Variants in MYO18B observed in about 807,000 individuals in gnomAD.
The protein encoded by MYO18B is myosin XVIIIB.
MYO18B carries 204 observed loss-of-function variants against 273.0 expected under a neutral mutation model. The ratio of observed to expected loss-of-function variants is 0.75; its 90% confidence interval spans 0.67 to 0.84. MYO18B has a LOEUF of 0.84. Among genes scored for constraint, MYO18B ranks in the 40% least tolerant of loss-of-function variants. The pLI is 0.00. For synonymous variants in MYO18B, 1,330 were observed against 1,305.7 expected, an observed-to-expected ratio of 1.02 and a Z score of -0.40; for missense variants, 3,212 against 3,287.6, an observed-to-expected ratio of 0.98 and a Z score of 0.56.
chr22:26,043,520 T>C, the MYO18B span, among the ~76,000 whole-genome samples: 1,111 of 149,440 alleles, frequency 7.4e-3, 8 homozygotes, highest in African/African-American at 0.025. Context: ...TCTTTTTTTT[T>C]TTTTTTTTGA....
intron 11 of MYO18B, among the ~76,000 whole-genome samples, chr22:25,792,497 C>CTTTCTTTTTTTT (rs1472550571): frequency 9.3e-6 from 1 of 107,956 alleles, no homozygotes; most frequent in African/African-American, 3.7e-5. Context: ...TTTTTCTTTT[C>CTTTCTTTTTTTT]TTTTTTTTTT....
intron 25 of MYO18B, among the ~76,000 whole-genome samples, chr22:25,881,903 A>G (rs1203681445): frequency 6.6e-6 from 1 of 152,210 alleles, no homozygotes; most frequent in African/African-American, 2.4e-5. Flanking sequence ...AGAGGTAGAA[A>G]ATGGAAATCT....
chr22:25,849,589 C>T (rs78229862), intron 20 of MYO18B, among the ~76,000 whole-genome samples: 1,895 of 152,236 alleles, frequency 0.012, 34 homozygotes, highest in African/African-American at 0.043. Flanking sequence ...ATCATTTTTG[C>T]TGTGCTAAAG....
intron 42 of MYO18B, among the ~76,000 whole-genome samples, chr22:26,017,355 C>T (rs1935440596): frequency 6.6e-6 from 1 of 151,878 alleles, no homozygotes; most frequent in African/African-American, 2.4e-5. Flanking sequence ...TTCCTTCCTT[C>T]CTTCCTCCCT....
At chr22:25,766,898 G>T (rs993113339) in intron 3 of MYO18B, among the ~76,000 whole-genome samples, 2 of 152,248 alleles carry the variant, frequency 1.3e-5, no homozygotes, top group African/African-American at 4.8e-5. Context: ...CAGTTCACGG[G>T]CTGTGGCAAT....
rs182929618 is a variant in MYO18B at position 25,904,145 on chromosome 22, G to T, written c.5148+314G>T. ...CTCTCTGGTACCTGCCATCGTATTA[G>T]ATAGTATTTTTTAAAAGTTTGCTTT... On this transcript the variant is annotated intron_variant, in intron 31 of 43. Coordinates refer to ENST00000335473, the MANE Select transcript of MYO18B (RefSeq NM_032608.7). Among the ~76,000 whole-genome samples, 115 of 152,282 alleles carry T rather than the reference G, an allele frequency of 7.6e-4. 1 individual carries two copies. The highest frequency in any genetic ancestry group is 2.5e-3 in the African/African-American group (102 of 41,556).
intron 42 of MYO18B, among the ~76,000 whole-genome samples, chr22:26,018,690 C>T (rs748369648): frequency 5.3e-5 from 8 of 152,192 alleles, no homozygotes; most frequent in South Asian, 2.1e-4. Flanking sequence ...TGGTTGCTCA[C>T]GCCCATAATC....
chr22:25,917,428 TCTTA>T (rs2092277047), intron 33 of MYO18B, among the ~76,000 whole-genome samples: 1 of 152,294 alleles, frequency 6.6e-6, no homozygotes, highest in East Asian at 1.9e-4. Flanking sequence ...TTGCTTCGAT[TCTTA>T]CTTGGTGTCT....
chr22:25,787,272 G>GCGCACACACACACACA lies in MYO18B; in HGVS notation c.2376+1782_2376+1783insGCACACACACACACAC, dbSNP rs1482737296. On this transcript the variant is annotated intron_variant, in intron 11 of 43. Coordinates refer to ENST00000335473, the MANE Select transcript of MYO18B (RefSeq NM_032608.7). ...TAAGCCTGTGTGCGTGCAGGCGCGCGCACACACACACACACACACACACAC... is the reference window on the plus strand; with the variant it reads ...TAAGCCTGTGTGCGTGCAGGCGCGCGCGCACACACACACACACACACACACACACACACACACACAC... Among the ~76,000 whole-genome samples the GCGCACACACACACACA allele has an allele frequency of 2.5e-4, 34 of 136,710 alleles. 1 individual carries two copies. In the South Asian group the frequency reaches 9.1e-3, roughly 37 times the overall value. The allele number at this position is 136,710 out of a possible 152,430, so 89.7% of individuals were successfully genotyped here.
chr22:25,931,840 A>AT (rs35548306), intron 34 of MYO18B, among the ~76,000 whole-genome samples: 63,184 of 141,422 alleles, frequency 0.45, 14,631 homozygotes, highest in African/African-American at 0.56. Context: ...TGCCCTGCTA[A>AT]TTTTTTTTTT....
At chr22:25,783,708 G>C (rs1307860961) in intron 10 of MYO18B, among the ~76,000 whole-genome samples, 3 of 152,258 alleles carry the variant, frequency 2.0e-5, no homozygotes, top group Admixed American at 6.5e-5. Context: ...GCCAGGCCTA[G>C]GCCAGGGGCC....
At chr22:25,767,252 G>A (rs1465878021) in intron 3 of MYO18B, among the ~76,000 whole-genome samples, 5 of 152,222 alleles carry the variant, frequency 3.3e-5, no homozygotes, top group African/African-American at 1.2e-4. Flanking sequence ...TCACAAGGCA[G>A]TAACAAGGCC....
Position 25,948,438 on chromosome 22 carries a change from C to CTTT in MYO18B, c.5748+610_5748+611insTTT, listed in dbSNP as rs1569224963. 6.6e-3 allele frequency among the ~76,000 whole-genome samples: 721 copies of CTTT among 108,718 alleles called. 6 individuals are homozygous for CTTT. Among genetic ancestry groups the CTTT allele is most frequent in the African/African-American group, 0.022 (576 of 26,170 alleles). 71.3% of individuals were successfully genotyped at this position (108,718 alleles called of 152,430 possible). On this transcript the variant is annotated intron_variant, in intron 36 of 43. Coordinates refer to ENST00000335473, the MANE Select transcript of MYO18B (RefSeq NM_032608.7). The stretch of plus-strand genomic sequence containing the variant: ...TCCTTCCTTCCTTCCTTCCTTCCTT[C>CTTT]CTTCCTTCCTTCCTTCCTTCCTTCT...
At chr22:25,954,307 G>A (rs1037024149) in intron 38 of MYO18B, among the ~76,000 whole-genome samples, 4 of 152,092 alleles carry the variant, frequency 2.6e-5, no homozygotes, top group Admixed American at 2.6e-4. Flanking sequence ...TAGGGCTGAG[G>A]CTCATGAGAA....
At chr22:25,770,724 T>C (rs2145598784) in intron 5 of MYO18B, 148 bp from the exon 6 acceptor site, 1 of 622,288 alleles carries the variant, frequency 1.6e-6, no homozygotes, top group East Asian at 2.7e-5. Context: ...TCCAAGTGAA[T>C]AGACCCCAAA....
At chr22:25,780,625 A>G (rs981402038) in intron 9 of MYO18B, among the ~76,000 whole-genome samples, 13 of 138,594 alleles carry the variant, frequency 9.4e-5, no homozygotes, top group African/African-American at 3.2e-4. Context: ...AAAAAAAAAA[A>G]AGAAAGAAAG....
chr22:26,024,572 AGACCG>A (rs997079149), intron 42 of MYO18B, among the ~76,000 whole-genome samples: 7 of 141,738 alleles, frequency 4.9e-5, no homozygotes, highest in African/African-American at 1.9e-4. Context: ...TACCGTCACC[AGACCG>A]CTGCTGTAAC....
At chr22:26,031,964 C>T (rs1386712461), downstream of MYO18B, among the ~76,000 whole-genome samples, 8 of 152,172 alleles carry the variant, frequency 5.3e-5, no homozygotes, top group African/African-American at 9.7e-5. Flanking sequence ...AGGACCTCTG[C>T]GGAGTCAGAA....
chr22:25,895,349 G>A (rs1312624290), intron 28 of MYO18B, 69 bp downstream of exon 28: 3 of 1,526,616 alleles, frequency 2.0e-6, no homozygotes, highest in Non-Finnish European at 2.7e-6. Flanking sequence ...TCCACTGTGG[G>A]TGATCGAGGT....
Sources: gnomAD v4.1 joint callset for allele counts (sites outside exome capture counted in the v4.1 genomes callset) on GRCh38, gnomAD v4.1.1 for gene constraint, MANE v1.5 for transcripts, NCBI Gene and HGNC (gene_info 2026-07-23, HGNC 2026-07-21) for gene names.